The following BEND7 variants were observed in gnomAD, a reference collection of about 807,000 sequenced individuals.
BEND7 encodes BEN domain containing 7, also known as BEN domain-containing protein 7.
Under a neutral mutation model 50.9 loss-of-function variants are expected in BEND7, and 28 were observed. The ratio of observed to expected loss-of-function variants is 0.55; its 90% CI spans 0.41 to 0.75. The LOEUF (loss-of-function observed/expected upper bound fraction) is 0.75. BEND7 is among the 30% of genes least tolerant of loss of function. The pLI, the probability that BEND7 is intolerant of heterozygous loss-of-function variation, is 0.00. For synonymous variants in BEND7, 170 were observed against 183.9 expected, an observed-to-expected ratio of 0.92 and a Z score of 0.61; for missense variants, 477 against 491.3, an observed-to-expected ratio of 0.97 and a Z score of 0.28.
chr10:13,508,489 G>C (rs2078053994), intron 2 of BEND7, among the ~76,000 whole-genome samples: 1 of 152,132 alleles, frequency 6.6e-6, no homozygotes, highest in Non-Finnish European at 1.5e-5. Context: ...CACGGAAAAG[G>C]AAAGACCAAA....
intron 5 of BEND7, among the ~76,000 whole-genome samples, chr10:13,488,675 G>A (rs1489834168): frequency 1.3e-5 from 2 of 152,104 alleles, no homozygotes; most frequent in African/African-American, 4.8e-5. Flanking sequence ...TTTCAGTAGA[G>A]ACGGGGTTTC....
intron 2 of BEND7, among the ~76,000 whole-genome samples, chr10:13,503,568 C>G (rs1439645573): frequency 6.6e-6 from 1 of 152,168 alleles, no homozygotes; most frequent in East Asian, 1.9e-4. Context: ...CAAAAGTTAG[C>G]TGGGCGTGGC....
intron 2 of BEND7, among the ~76,000 whole-genome samples, chr10:13,520,505 A>G (rs1408506130): frequency 1.3e-5 from 2 of 152,104 alleles, no homozygotes; most frequent in Non-Finnish European, 2.9e-5. Flanking sequence ...TTCTAGGCCC[A>G]TGACAAGGGA....
At chr10:13,473,899 T>C (rs891835883) in intron 6 of BEND7, among the ~76,000 whole-genome samples, 12 of 150,874 alleles carry the variant, frequency 8.0e-5, no homozygotes, top group African/African-American at 2.9e-4. Context: ...GCTGTTACAC[T>C]CAGGGCCGAT....
chr10:13,463,835 A>C (rs751293603), intron 6 of BEND7, among the ~76,000 whole-genome samples: 1 of 152,236 alleles, frequency 6.6e-6, no homozygotes, highest in Non-Finnish European at 1.5e-5. Flanking sequence ...TTGACAAAAA[A>C]ACTCCAGTAA....
intron 6 of BEND7, among the ~76,000 whole-genome samples, chr10:13,461,734 A>G (rs12571950): frequency 0.097 from 14,657 of 150,512 alleles, 742 homozygotes; most frequent in South Asian, 0.15. Flanking sequence ...CTCCATCTTA[A>G]AAAAAAAAAA....
rs951848214 is a variant in BEND7, at chr10:13,481,961, T to C, written c.838-837A>G. Among the ~76,000 whole-genome samples, 4 of 152,210 alleles carry C rather than the reference T, an allele frequency of 2.6e-5. No homozygotes were observed. The South Asian group carries it at 6.2e-4, about 24-fold the overall frequency. ...ACGCCAGGAGGTTTACAGCTCACCT[T>C]TGAATCTTTCAACCCAGTTCATACC... On this transcript the variant is annotated intron_variant, in intron 5 of 8. Coordinates refer to ENST00000466271, the MANE Select transcript of BEND7 (RefSeq NM_001369863.1).
chr10:13,498,921 A>T (rs989764017), intron 3 of BEND7, among the ~76,000 whole-genome samples: 4 of 152,172 alleles, frequency 2.6e-5, no homozygotes, highest in Non-Finnish European at 2.9e-5. Context: ...TTGTGTTTTT[A>T]AAAAAAGTCA....
Position 13,447,395 on chromosome 10 carries a change from T to C in BEND7, c.1184-79A>G, listed in dbSNP as rs1027350157. ...ATTTTACAGAAAATAGTGATGTAAT[T>C]TTAAAAACTCCAGTATACATAACTG... On this transcript the variant is annotated intron_variant, in intron 7 of 8. Transcript: ENST00000466271. 1.0e-4 allele frequency: 146 copies of C among 1,460,678 alleles called. No individual in the cohort carries two copies. The East Asian group carries it at 1.7e-3, about 17-fold the overall frequency. 90.5% of individuals were successfully genotyped at this position (1,460,678 alleles called of 1,614,324 possible). A position where few individuals can be genotyped will look rare whatever the true frequency, so the allele number is the denominator to read the frequency against.
At chr10:13,482,675 C>T (rs2075950815) in intron 5 of BEND7, among the ~76,000 whole-genome samples, 1 of 152,326 alleles carries the variant, frequency 6.6e-6, no homozygotes, top group Non-Finnish European at 1.5e-5. Context: ...CACACTTCTG[C>T]TTCACTTTGC....
intron 5 of BEND7, among the ~76,000 whole-genome samples, chr10:13,486,777 T>G (rs1469524502): frequency 6.6e-6 from 1 of 152,254 alleles, no homozygotes; most frequent in African/African-American, 2.4e-5. Flanking sequence ...TAATGAGACA[T>G]TCCCGTCTTT....
intron 2 of BEND7, among the ~76,000 whole-genome samples, chr10:13,510,451 G>A (rs2078196810): frequency 6.6e-6 from 1 of 152,136 alleles, no homozygotes; most frequent in Admixed American, 6.5e-5. Context: ...AACTACCTAT[G>A]AATATTCACT....
At chr10:13,439,585 T>C, downstream of BEND7, 1 of 1,323,356 alleles carries the variant, frequency 7.6e-7, no homozygotes, top group South Asian at 1.5e-5. Context: ...GTCCTTATCT[T>C]AGTGAGTGCA....
At chr10:13,451,025 C>T (rs556016840) in intron 7 of BEND7, among the ~76,000 whole-genome samples, 7 of 152,082 alleles carry the variant, frequency 4.6e-5, no homozygotes, top group Non-Finnish European at 1.0e-4. Flanking sequence ...TAATCGGTCT[C>T]AGCATCTGAC....
intron 5 of BEND7, among the ~76,000 whole-genome samples, chr10:13,482,017 GA>G (rs2075897382): frequency 6.6e-6 from 1 of 152,228 alleles, no homozygotes; most frequent in African/African-American, 2.4e-5. Flanking sequence ...CAAATGAACT[GA>G]TCTCCTAACT....
At chr10:13,499,094 T>C (rs1194948544) in intron 3 of BEND7, among the ~76,000 whole-genome samples, 3 of 152,204 alleles carry the variant, frequency 2.0e-5, no homozygotes, top group Non-Finnish European at 4.4e-5. Context: ...ACAAATATTA[T>C]AGCATCCAGT....
At chr10:13,484,390 A>T (rs948346090) in intron 5 of BEND7, among the ~76,000 whole-genome samples, 2 of 152,240 alleles carry the variant, frequency 1.3e-5, no homozygotes, top group Non-Finnish European at 2.9e-5. Flanking sequence ...CCATTTGATA[A>T]ATGTAATCAC....
chr10:13,521,710 C>A (rs1370554522), intron 2 of BEND7, among the ~76,000 whole-genome samples: 2 of 152,206 alleles, frequency 1.3e-5, no homozygotes, highest in African/African-American at 4.8e-5. Context: ...ACACTAGACC[C>A]TTCTTCCTCT....
At position 13,499,797 on chromosome 10, in the gene BEND7, G is replaced by C. The variant is rs1275899769; in HGVS notation, c.429C>G (p.His143Gln). The C allele has an allele frequency of 6.2e-7, 1 of 1,607,814 alleles. No homozygotes were observed. Among genetic ancestry groups the C allele is most frequent in the Admixed American group, 1.7e-5 (1 of 59,714 alleles). Residue 143 changes from histidine (H) to glutamine (Q), a missense_variant, in exon 3 of 9, where the codon CAC becomes CAG. Coordinates refer to ENST00000466271, the MANE Select transcript of BEND7 (RefSeq NM_001369863.1). ...CCATACCATTGGAGCTCGTGGTAGG[G>C]TGGGGCTGGCTTTGGAAGGTTCTAG... ...TRSRTFQSQP[H>Q]PTTSSNGELP...
Sources: allele counts gnomAD v4.1 joint callset (sites outside exome capture counted in the v4.1 genomes callset), GRCh38; gene constraint gnomAD v4.1.1; transcripts MANE v1.5; gene names NCBI Gene and HGNC (gene_info 2026-07-23, HGNC 2026-07-21).